The following ATP13A4 variants were observed in gnomAD, a reference collection of about 807,000 sequenced individuals.
The protein encoded by ATP13A4 is ATPase 13A4.
A neutral mutation model predicts 142.5 loss-of-function variants in ATP13A4; 114 were observed. That is an observed-to-expected ratio of 0.80 (90% confidence interval 0.69 to 0.93). The LOEUF (loss-of-function observed/expected upper bound fraction) is 0.93. ATP13A4 is among the 40% of genes least tolerant of loss of function. The probability of loss-of-function intolerance (pLI) is 0.00; values close to 1 mark genes in which losing one functional copy is unlikely to be tolerated. For synonymous variants in ATP13A4, 488 were observed against 514.8 expected (o/e 0.95, Z 0.70); for missense variants, 1,392 against 1,454.0 (o/e 0.96, Z 0.69).
intron 28 of ATP13A4, among the ~76,000 whole-genome samples, chr3:193,408,009 G>C (rs1175397615): frequency 6.6e-6 from 1 of 152,248 alleles, no homozygotes; most frequent in Non-Finnish European, 1.5e-5. Flanking sequence ...GTCATGACCT[G>C]TCCCTTTGCC....
chr3:193,491,537 T>C, intron 5 of ATP13A4, 139 bp from the exon 6 acceptor site: 1 of 695,356 alleles, frequency 1.4e-6, no homozygotes, highest in Admixed American at 2.3e-5. Context: ...TAAATACCAT[T>C]CTGATCCTTC....
intron 25 of ATP13A4, among the ~76,000 whole-genome samples, chr3:193,420,940 A>T (rs1417600081): frequency 6.7e-6 from 1 of 149,772 alleles, no homozygotes; most frequent in African/African-American, 2.5e-5. Context: ...ATGATCAAAC[A>T]TTAGCATTAT....
Position 193,459,151 on chromosome 3 carries a change from G to A in ATP13A4, c.1604C>T (p.Ser535Phe), listed in dbSNP as rs1717804168. 6.2e-7 allele frequency: 1 copy of A among 1,614,212 alleles called. No individual in the cohort carries two copies. The highest frequency in any genetic ancestry group is 8.5e-7 in the Non-Finnish European group (1 of 1,180,028). ...PLCAAMASCH[S>F]LILLDGTIQG... ...GATGGTCCCATCAAGAAGGATCAGA[G>A]AGTGGCAGCTGGCCATCGCTGCACA... Residue 535 changes from serine (S) to phenylalanine (F), a missense_variant, in exon 14 of 30, where the codon TCT (serine) becomes TTT (phenylalanine). Physicochemically the swap from Ser to Phe is radical, Grantham distance 155. Transcript: ENST00000342695.
At chr3:193,555,338 C>G (rs1723844650), upstream of ATP13A4, among the ~76,000 whole-genome samples, 1 of 152,192 alleles carries the variant, frequency 6.6e-6, no homozygotes, top group South Asian at 2.1e-4. Context: ...TAATAGTACT[C>G]TCATTCATTT....
chr3:193,464,943 G>A lies in ATP13A4; in HGVS notation c.1458C>T (p.Asp486=). The change falls in exon 12 of 30, where the codon GAC becomes GAT. Residue 486 remains aspartate (D), a synonymous_variant. Coordinates refer to ENST00000342695, the MANE Select transcript of ATP13A4 (RefSeq NM_032279.4). The stretch of plus-strand genomic sequence containing the variant: ...AATAAGGATGAAACACACATACCTT[G>A]TCAAAGCAGACAAGGTTTAACTGTC... ...VCGQLNLVCF[D]KTGTLTRDGL... is the part of the protein sequence containing the mutation. 6.2e-7 allele frequency: 1 copy of A among 1,613,760 alleles called. No individual in the cohort carries two copies. The highest frequency in any genetic ancestry group is 1.1e-5 in the South Asian group (1 of 91,066).
At chr3:193,474,085 C>T (rs1182785602) in intron 8 of ATP13A4, among the ~76,000 whole-genome samples, 5 of 151,992 alleles carry the variant, frequency 3.3e-5, no homozygotes, top group East Asian at 1.9e-4. Context: ...TTTGGGAGGA[C>T]GAGGCGGGTG....
At chr3:193,502,666 A>G (rs1720620029) in intron 2 of ATP13A4, 27 bp from the exon 3 acceptor site, 2 of 1,609,344 alleles carry the variant, frequency 1.2e-6, no homozygotes, top group East Asian at 4.5e-5. Flanking sequence ...CAAAACCCCC[A>G]AGAAGTTAAG....
rs138509256 is a variant in ATP13A4, at chr3:193,467,339, A to G, written c.1091T>C (p.Val364Ala). The G allele has an allele frequency of 0.014, 23,270 of 1,614,154 alleles. 227 individuals are homozygous for G. Among genetic ancestry groups the G allele is most frequent in the Middle Eastern group, 0.019 (115 of 6,050 alleles). ...ACCAGTCTGCAGTACCACGGCTCTC[A>G]CGGTCCCAGAGCAAGCTGCCTTGGC... ...IQAKAACSGTVRAVVLQTGFN... is the reference protein window; with the variant it reads ...IQAKAACSGTARAVVLQTGFN... Residue 364 changes from valine (V) to alanine (A), a missense_variant, in exon 10 of 30, where the codon GTG (valine) becomes GCG (alanine). Val to Ala is a moderately conservative substitution (Grantham distance 64, BLOSUM62 0). Coordinates refer to ENST00000342695, the MANE Select transcript of ATP13A4 (RefSeq NM_032279.4).
At chr3:193,442,082 G>A (rs1211343669) in intron 19 of ATP13A4, among the ~76,000 whole-genome samples, 2 of 152,134 alleles carry the variant, frequency 1.3e-5, no homozygotes, top group Admixed American at 6.5e-5. Context: ...GATCCCCTTA[G>A]AACCCAGTGG....
At chr3:193,437,713 A>C (rs1716369698) in intron 23 of ATP13A4, among the ~76,000 whole-genome samples, 1 of 152,120 alleles carries the variant, frequency 6.6e-6, no homozygotes, top group African/African-American at 2.4e-5. Context: ...AAGAGCAGCC[A>C]CCATGCTCAC....
chr3:193,418,007 A>G (rs1460452927), intron 25 of ATP13A4, among the ~76,000 whole-genome samples: 2 of 143,534 alleles, frequency 1.4e-5, no homozygotes, highest in Non-Finnish European at 3.0e-5. Context: ...CTGTAGTCCC[A>G]GCTACTTGGG....
At chr3:193,485,619 T>G (rs1427325778) in intron 7 of ATP13A4, among the ~76,000 whole-genome samples, 1 of 152,136 alleles carries the variant, frequency 6.6e-6, no homozygotes, top group African/African-American at 2.4e-5. Context: ...GACATAGAAA[T>G]TTTTTAAAAG....
intron 16 of ATP13A4, 54 bp downstream of exon 16, chr3:193,456,946 A>G: frequency 6.4e-7 from 1 of 1,561,770 alleles, no homozygotes; most frequent in Non-Finnish European, 8.7e-7. Flanking sequence ...CAGTGGGAAC[A>G]TATTTATCTG....
At position 193,534,051 on chromosome 3, in the gene ATP13A4, C is replaced by T. The variant is rs576407671; in HGVS notation, c.61-19180G>A. ...AACCATCTGGGGAACATTAGTGAGG[C>T]ATTCCTAATTCTTAAAGCTAGAGAG... On this transcript the variant is annotated intron_variant, in intron 1 of 29. Transcript: ENST00000342695. Among the ~76,000 whole-genome samples, 3 of 152,304 alleles carry T rather than the reference C, an allele frequency of 2.0e-5. No homozygotes were observed. In the East Asian group the frequency reaches 5.8e-4, roughly 29 times the overall value.
At chr3:193,564,207 G>T (rs1158342216) in intron 2 of ATP13A4, among the ~76,000 whole-genome samples, 1 of 152,238 alleles carries the variant, frequency 6.6e-6, no homozygotes, top group East Asian at 1.9e-4. Context: ...AGCACTTGTG[G>T]CTGCCATCTA....
intron 29 of ATP13A4, 130 bp downstream of exon 29, chr3:193,407,183 G>A (rs564865216): frequency 3.9e-6 from 3 of 760,986 alleles, no homozygotes; most frequent in Non-Finnish European, 6.8e-6. Flanking sequence ...CTTATACTGT[G>A]AAGGAAGGGA....
Position 193,466,292 on chromosome 3 carries a change from T to G in ATP13A4, c.1115-110A>C, listed in dbSNP as rs75914414. 1.2e-3 allele frequency: 1,613 copies of G among 1,352,698 alleles called. 16 individuals are homozygous for G. The African/African-American group carries it at 0.021, about 17-fold the overall frequency. The allele number at this position is 1,352,698 out of a possible 1,614,324, so 83.8% of individuals were successfully genotyped here. A position where few individuals can be genotyped will look rare whatever the true frequency, so the allele number is the denominator to read the frequency against. On this transcript the variant is annotated intron_variant, in intron 10 of 29. Coordinates refer to ENST00000342695, the MANE Select transcript of ATP13A4 (RefSeq NM_032279.4). ...TCTCTGCTGATATTTGAACAGTGTT[T>G]AAGCTCAAAGGCAATTGAAAGATAA...
At chr3:193,435,774 G>T in intron 23 of ATP13A4, 30 bp from the exon 24 acceptor site, 1 of 1,553,474 alleles carries the variant, frequency 6.4e-7, no homozygotes, top group Non-Finnish European at 8.9e-7. Context: ...ATAAAGACAT[G>T]AAAGTAATGA....
chr3:193,491,986 G>C (rs1353082436), intron 5 of ATP13A4, among the ~76,000 whole-genome samples: 1 of 152,114 alleles, frequency 6.6e-6, no homozygotes, highest in Non-Finnish European at 1.5e-5. Context: ...CATTTTATGA[G>C]TTATGTTACT....
Sources: gnomAD v4.1 joint callset for allele counts (sites outside exome capture counted in the v4.1 genomes callset) on GRCh38, gnomAD v4.1.1 for gene constraint, MANE v1.5 for transcripts, NCBI Gene and HGNC (gene_info 2026-07-23, HGNC 2026-07-21) for gene names.